Variants in CFAP20DC observed in about 807,000 individuals in gnomAD.
CFAP20DC encodes protein CFAP20DC.
In CFAP20DC, 84 loss-of-function variants were observed where a neutral mutation model predicts 101.7. The observed-to-expected ratio is 0.83, with a 90% confidence interval of 0.69 to 0.99. The LOEUF (loss-of-function observed/expected upper bound fraction) is 0.99. Ranked by LOEUF, CFAP20DC falls within the 50% of genes least tolerant of loss-of-function variation. The pLI, the probability that CFAP20DC is intolerant of heterozygous loss-of-function variation, is 0.00. For synonymous variants in CFAP20DC, 359 were observed against 351.2 expected, an observed-to-expected ratio of 1.02 and a Z score of -0.25; for missense variants, 1,007 against 970.3, an observed-to-expected ratio of 1.04 and a Z score of -0.50.
intron 4 of CFAP20DC, among the ~76,000 whole-genome samples, chr3:58,956,414 G>A: frequency 6.6e-6 from 1 of 152,082 alleles, no homozygotes. Context: ...GTGGGCATGA[G>A]GTGGCTGTAG....
chr3:59,004,366 A>C (rs549959889), intron 4 of CFAP20DC, among the ~76,000 whole-genome samples: 1 of 152,320 alleles, frequency 6.6e-6, no homozygotes, highest in Admixed American at 6.5e-5. Flanking sequence ...GAAGTGTTTT[A>C]TAAAATATAA....
rs527489037 is a variant in CFAP20DC at position 58,981,773 on chromosome 3, A to T, written c.279-44011T>A. 3.1e-3 allele frequency among the ~76,000 whole-genome samples: 467 copies of T among 152,270 alleles called. 5 individuals carry two copies. Among genetic ancestry groups the T allele is most frequent in the African/African-American group, 0.01 (436 of 41,542 alleles). On this transcript the variant is annotated intron_variant, in intron 4 of 16. Coordinates refer to ENST00000482387, the MANE Select transcript of CFAP20DC (RefSeq NM_001394063.1). ...AAAACCCTAGAAGAAAACCTAGGCA[A>T]TACCATTCAGGACATAGGCATGGGC...
intron 5 of CFAP20DC, among the ~76,000 whole-genome samples, chr3:58,934,598 G>T (rs2087249597): frequency 1.3e-5 from 2 of 152,034 alleles, no homozygotes; most frequent in Admixed American, 1.3e-4. Flanking sequence ...TTCTTCCCTG[G>T]GATACAAGGC....
At chr3:58,979,656 C>A (rs2092437824) in intron 4 of CFAP20DC, among the ~76,000 whole-genome samples, 1 of 152,192 alleles carries the variant, frequency 6.6e-6, no homozygotes, top group Non-Finnish European at 1.5e-5. Context: ...TGAGTTTCAG[C>A]ACTTTAGGCG....
chr3:59,041,676 T>G (rs531365421), intron 3 of CFAP20DC, among the ~76,000 whole-genome samples: 5 of 152,100 alleles, frequency 3.3e-5, no homozygotes, highest in Non-Finnish European at 7.4e-5. Flanking sequence ...CTTTTTACAG[T>G]TTTATAATCT....
Position 58,859,802 on chromosome 3 carries a change from T to G in CFAP20DC, c.1593+3756A>C, listed in dbSNP as rs2079097671. ...ACTAAATTTAAAAGTATCTGAAGGC[T>G]ACATAGAAATATAAGAAGACTACTG... On this transcript the variant is annotated intron_variant, in intron 12 of 16. Transcript: ENST00000482387. This position sits in a 1 kb window ranked among gnomAD's most constrained non-coding sequence, Gnocchi z 4.1. 6.6e-6 allele frequency among the ~76,000 whole-genome samples: 1 copy of G among 152,222 alleles called. No homozygotes were observed. Among genetic ancestry groups the G allele is most frequent in the African/African-American group, 2.4e-5 (1 of 41,450 alleles).
chr3:58,770,230 G>A, intron 15 of CFAP20DC, among the ~76,000 whole-genome samples: 1 of 152,206 alleles, frequency 6.6e-6, no homozygotes, highest in East Asian at 1.9e-4. Flanking sequence ...CCATCTACTT[G>A]AGATAATATG....
In CFAP20DC at chr3:58,937,671, G is replaced by A. The variant is rs890281294; in HGVS notation, c.370C>T (p.Leu124Phe). 6.2e-7 allele frequency: 1 copy of A among 1,607,402 alleles called. No individual in the cohort carries two copies. Among genetic ancestry groups the A allele is most frequent in the East Asian group, 2.2e-5 (1 of 44,792 alleles). ...ACAATTTTACGTTTGATCATGAAGA[G>A]TGGAATTTTTGCATGAAGAGGGGTG... is the stretch of plus-strand genomic sequence containing the variant. ...SSTPLHAKIP[L>F]FMIKRKIWCN... The change falls in exon 5 of 17, where the codon CTC becomes TTC. Residue 124 changes from leucine to phenylalanine, a missense_variant. Coordinates refer to ENST00000482387, the MANE Select transcript of CFAP20DC (RefSeq NM_001394063.1).
intron 4 of CFAP20DC, among the ~76,000 whole-genome samples, chr3:58,974,564 C>A (rs2092160171): frequency 6.6e-6 from 1 of 152,038 alleles, no homozygotes; most frequent in Non-Finnish European, 1.5e-5. Context: ...GCAGATGCAC[C>A]TGAATATGTG....
chr3:58,766,456 T>C (rs534735985), intron 15 of CFAP20DC, among the ~76,000 whole-genome samples: 1 of 152,350 alleles, frequency 6.6e-6, no homozygotes, highest in South Asian at 2.1e-4. Context: ...CTATCTTGGC[T>C]TGTGTCATCT....
At chr3:59,048,722 C>G (rs1700071025) in intron 1 of CFAP20DC, among the ~76,000 whole-genome samples, 1 of 152,050 alleles carries the variant, frequency 6.6e-6, no homozygotes, top group South Asian at 2.1e-4. Flanking sequence ...AAGGCAGAAG[C>G]AATAAAGAGG....
chr3:58,945,192 CA>C (rs2089179631), intron 4 of CFAP20DC, among the ~76,000 whole-genome samples: 3 of 152,280 alleles, frequency 2.0e-5, no homozygotes, highest in Admixed American at 1.3e-4. Flanking sequence ...ACACATTCAG[CA>C]GAGTGCAGAT....
chr3:58,739,814 A>G (rs1176022208), downstream of CFAP20DC, among the ~76,000 whole-genome samples: 2 of 152,242 alleles, frequency 1.3e-5, no homozygotes, highest in Admixed American at 1.3e-4. Flanking sequence ...GGTGGTACCA[A>G]TTTAATTTAA....
intron 14 of CFAP20DC, among the ~76,000 whole-genome samples, chr3:58,807,680 G>A (rs61119596): frequency 0.099 from 15,069 of 152,282 alleles, 1,279 homozygotes; most frequent in East Asian, 0.35. Context: ...CCAAAGGAAC[G>A]CAGTTCCTCA....
intron 3 of CFAP20DC, among the ~76,000 whole-genome samples, chr3:59,044,521 G>A (rs780210976): frequency 1.3e-5 from 2 of 151,626 alleles, no homozygotes; most frequent in African/African-American, 2.4e-5. Context: ...CAATTAAAAC[G>A]ATCATCTTTC....
chr3:58,938,903 TACA>T (rs1439096517), intron 4 of CFAP20DC, among the ~76,000 whole-genome samples: 5 of 152,338 alleles, frequency 3.3e-5, no homozygotes, highest in African/African-American at 1.2e-4. Context: ...TCATTTAAAA[TACA>T]ACGTCTTTCA....
At chr3:58,870,915 A>G (rs1161542221) in intron 7 of CFAP20DC, among the ~76,000 whole-genome samples, 8 of 150,054 alleles carry the variant, frequency 5.3e-5, no homozygotes, top group Non-Finnish European at 1.0e-4. Flanking sequence ...AAAAAAAAAA[A>G]AAAAAAAAAG....
In CFAP20DC at chr3:58,884,642, CATT is replaced by C. The variant is rs1469427748; in HGVS notation, c.615_617del (p.Met206del). On this transcript the variant is annotated inframe_deletion, in exon 7 of 17. Coordinates refer to ENST00000482387, the MANE Select transcript of CFAP20DC (RefSeq NM_001394063.1). ...GCTGTGTGACATGTGGAACATCTGT[CATT>C]AGTTGACAGCTTCGTGGTATAATAT... 2.5e-6 allele frequency: 4 copies of C among 1,613,710 alleles called. No homozygotes were observed. The African/African-American group carries it at 4.0e-5, about 16-fold the overall frequency.
intron 4 of CFAP20DC, among the ~76,000 whole-genome samples, chr3:58,979,323 T>A (rs74758046): frequency 0.011 from 1,632 of 152,336 alleles, 52 homozygotes; most frequent in Admixed American, 0.064. Flanking sequence ...ATAAAAGTAG[T>A]CTCTATCTTG....
Sources: gnomAD v4.1 joint callset for allele counts (sites outside exome capture counted in the v4.1 genomes callset) on GRCh38, gnomAD v4.1.1 for gene constraint, Gnocchi (gnomAD v3.1) non-coding constraint, MANE v1.5 for transcripts, NCBI Gene and HGNC (gene_info 2026-07-23, HGNC 2026-07-21) for gene names.